Variants in CDYL2 observed in about 807,000 individuals in gnomAD.
The protein encoded by CDYL2 is chromodomain Y like 2.
Under a neutral mutation model 49.4 loss-of-function variants are expected in CDYL2, and 23 were observed. The ratio of observed to expected loss-of-function variants is 0.47; its 90% confidence interval spans 0.34 to 0.66. CDYL2 has a LOEUF of 0.66. Among genes scored for constraint, CDYL2 ranks in the 30% least tolerant of loss-of-function variants. CDYL2 has a pLI of 0.01. For missense variants in CDYL2, 678 were observed against 656.4 expected (o/e 1.03, Z -0.36); for synonymous variants, 360 against 268.8 (o/e 1.34, Z -3.32).
At chr16:80,774,843 T>C (rs1393114544) in intron 1 of CDYL2, among the ~76,000 whole-genome samples, 1 of 150,858 alleles carries the variant, frequency 6.6e-6, no homozygotes, top group East Asian at 1.9e-4. Context: ...GTAAGATACA[T>C]GAAGAGGCCA....
chr16:80,739,961 G>A (rs1387553029), intron 1 of CDYL2, among the ~76,000 whole-genome samples: 1 of 152,178 alleles, frequency 6.6e-6, no homozygotes, highest in Non-Finnish European at 1.5e-5. Flanking sequence ...AGGATGAAAC[G>A]ACTTGGGGGC....
chr16:80,793,602 C>A (rs1330419069), intron 1 of CDYL2, among the ~76,000 whole-genome samples: 1 of 152,192 alleles, frequency 6.6e-6, no homozygotes, highest in Non-Finnish European at 1.5e-5. Context: ...CAGCAAAGTG[C>A]CACAAGCTTG....
chr16:80,639,538 G>A (rs1202362944), intron 2 of CDYL2: 7 of 349,412 alleles, frequency 2.0e-5, no homozygotes, highest in Non-Finnish European at 5.6e-6. Flanking sequence ...AGTTATGAGG[G>A]AATGGAGCAA....
At chr16:80,658,166 G>T (rs1280401782) in intron 2 of CDYL2, among the ~76,000 whole-genome samples, 1 of 151,576 alleles carries the variant, frequency 6.6e-6, no homozygotes, top group Non-Finnish European at 1.5e-5. Flanking sequence ...ATTATCACAA[G>T]TGGTTGGCAG....
chr16:80,661,747 C>T (rs537124903), intron 2 of CDYL2, among the ~76,000 whole-genome samples: 2 of 152,306 alleles, frequency 1.3e-5, no homozygotes, highest in Admixed American at 1.3e-4. Context: ...ACATCTGATT[C>T]CTGTGTCATG....
Position 80,684,127 on chromosome 16 carries a change from G to C in CDYL2, c.616+411C>G, listed in dbSNP as rs958669289. ...CTCTGGGCTACACTGCTGGGGGCAT[G>C]ATGAGGCTGCAAGCAAGGGCTCTGC... On this transcript the variant is annotated intron_variant, in intron 2 of 6. Transcript: ENST00000570137. Among the ~76,000 whole-genome samples, 97 of 152,298 alleles carry C rather than the reference G, an allele frequency of 6.4e-4. 1 individual carries two copies. Among genetic ancestry groups the C allele is most frequent in the African/African-American group, 2.2e-3 (92 of 41,574 alleles).
At chr16:80,623,027 C>T (rs1907150632) in intron 3 of CDYL2, among the ~76,000 whole-genome samples, 1 of 152,180 alleles carries the variant, frequency 6.6e-6, no homozygotes, top group African/African-American at 2.4e-5. Context: ...CAGGAAGTGG[C>T]AGAGCCTGCA....
chr16:80,687,495 T>C (rs1432908948), intron 1 of CDYL2, among the ~76,000 whole-genome samples: 5 of 151,742 alleles, frequency 3.3e-5, no homozygotes, highest in Admixed American at 2.6e-4. Context: ...GATAGATGGA[T>C]AGATGGATGG....
intron 3 of CDYL2, among the ~76,000 whole-genome samples, chr16:80,623,350 A>C (rs1907166019): frequency 6.6e-6 from 1 of 152,184 alleles, no homozygotes; most frequent in Non-Finnish European, 1.5e-5. Context: ...GAGCTACCTC[A>C]GATGAACCAA....
At position 80,785,254 on chromosome 16, in the gene CDYL2, A is replaced by T. The variant is rs559148904; in HGVS notation, c.24+18896T>A. Among the ~76,000 whole-genome samples, 3 of 152,342 alleles carry T rather than the reference A, an allele frequency of 2.0e-5. No individual in the cohort carries two copies. The South Asian group carries it at 6.2e-4, about 32-fold the overall frequency. On this transcript the variant is annotated intron_variant, in intron 1 of 6. Coordinates refer to ENST00000570137, the MANE Select transcript of CDYL2 (RefSeq NM_152342.4). ...CAAAATCTCCTTAAGCTGATAAGCAACTTCAGCAAAGTCTCAGGATATAAA... is the reference window on the plus strand; with the variant it reads ...CAAAATCTCCTTAAGCTGATAAGCATCTTCAGCAAAGTCTCAGGATATAAA...
At position 80,650,758 on chromosome 16, in the gene CDYL2, T is replaced by C. The variant is rs189346531; in HGVS notation, c.617-17522A>G. On this transcript the variant is annotated intron_variant, in intron 2 of 6. Coordinates refer to ENST00000570137, the MANE Select transcript of CDYL2 (RefSeq NM_152342.4). ...AGACAAATGGATAAAGAAAATGTGGTACTTATACACAATGGAGTACTACTC... is the reference window on the plus strand; with the variant it reads ...AGACAAATGGATAAAGAAAATGTGGCACTTATACACAATGGAGTACTACTC... 3.7e-3 allele frequency among the ~76,000 whole-genome samples: 570 copies of C among 152,170 alleles called. 2 individuals carry two copies. Among genetic ancestry groups the C allele is most frequent in the South Asian group, 0.02 (96 of 4,814 alleles).
chr16:80,738,598 G>A (rs1266779458), intron 1 of CDYL2: 1 of 152,222 alleles, frequency 6.6e-6, no homozygotes, highest in African/African-American at 2.4e-5. Context: ...CAGTTGCCAG[G>A]GCTAAGGTGG....
chr16:80,660,141 C>T (rs1265781737), intron 2 of CDYL2, among the ~76,000 whole-genome samples: 2 of 151,954 alleles, frequency 1.3e-5, no homozygotes, highest in Non-Finnish European at 2.9e-5. Flanking sequence ...GGTGTTCTAA[C>T]ACCAAGAAAA....
At chr16:80,628,262 C>T (rs1247082428) in intron 3 of CDYL2, 2 of 152,216 alleles carry the variant, frequency 1.3e-5, no homozygotes, top group Non-Finnish European at 2.9e-5. Context: ...AAATCCCACC[C>T]TCAAGAGAAG....
At chr16:80,619,522 T>C (rs1906980772) in intron 4 of CDYL2, among the ~76,000 whole-genome samples, 1 of 152,188 alleles carries the variant, frequency 6.6e-6, no homozygotes, top group Non-Finnish European at 1.5e-5. Flanking sequence ...CACTTGTTTC[T>C]CTGGATGGGC....
chr16:80,720,045 GC>G (rs1316552394), intron 1 of CDYL2, among the ~76,000 whole-genome samples: 4 of 152,182 alleles, frequency 2.6e-5, no homozygotes, highest in African/African-American at 9.7e-5. Context: ...ACACTGTAAA[GC>G]CACCAGCCTT....
intron 2 of CDYL2, among the ~76,000 whole-genome samples, chr16:80,672,031 T>G (rs1019929624): frequency 3.9e-5 from 6 of 152,336 alleles, no homozygotes; most frequent in African/African-American, 1.4e-4. Flanking sequence ...TTTCTGATTT[T>G]GGAATATTTG....
intron 1 of CDYL2, chr16:80,738,784 G>A (rs777793544): frequency 6.6e-6 from 1 of 152,192 alleles, no homozygotes; most frequent in African/African-American, 2.4e-5. Context: ...TCTCAGTTAA[G>A]CTATTTTTTA....
intron 1 of CDYL2, among the ~76,000 whole-genome samples, chr16:80,707,877 T>A (rs573258349): frequency 6.6e-6 from 1 of 152,302 alleles, no homozygotes; most frequent in East Asian, 1.9e-4. Flanking sequence ...CTGGGAAAAT[T>A]CCAGTAAGAG....
Sources: allele counts gnomAD v4.1 joint callset (sites outside exome capture counted in the v4.1 genomes callset), GRCh38; gene constraint gnomAD v4.1.1; transcripts MANE v1.5; gene names NCBI Gene and HGNC (gene_info 2026-07-23, HGNC 2026-07-21).